Variants in PRKCE observed in about 807,000 individuals in gnomAD.
PRKCE encodes protein kinase C epsilon type.
A neutral mutation model predicts 85.4 loss-of-function variants in PRKCE; 16 were observed. That is an observed-to-expected ratio of 0.19 (90% CI 0.13 to 0.28). PRKCE has a LOEUF of 0.28. Among genes scored for constraint, PRKCE ranks in the 10% least tolerant of loss-of-function variants. The probability of loss-of-function intolerance (pLI) is 1.00; values close to 1 mark genes in which losing one functional copy is unlikely to be tolerated. For synonymous variants in PRKCE, 388 were observed against 371.5 expected (o/e 1.04, Z -0.51); for missense variants, 573 against 975.2 (o/e 0.59, Z 5.49).
intron 1 of PRKCE, among the ~76,000 whole-genome samples, chr2:45,693,162 G>T (rs1677875277): frequency 6.6e-6 from 1 of 152,142 alleles, no homozygotes; most frequent in South Asian, 2.1e-4. Flanking sequence ...GTGGGTGGGA[G>T]AAGGTCAGAG....
intron 1 of PRKCE, among the ~76,000 whole-genome samples, chr2:45,812,901 G>T (rs1241590539): frequency 6.6e-6 from 1 of 152,182 alleles, no homozygotes; most frequent in Non-Finnish European, 1.5e-5. Flanking sequence ...CCAGGAAAAT[G>T]TTTATATATG....
intron 10 of PRKCE, among the ~76,000 whole-genome samples, chr2:46,038,340 G>T (rs1708002497): frequency 6.6e-6 from 1 of 151,670 alleles, no homozygotes; most frequent in South Asian, 2.1e-4. Flanking sequence ...TTTGAATAAA[G>T]AAATCTAAAC....
At chr2:45,726,465 T>C (rs555405866) in intron 1 of PRKCE, among the ~76,000 whole-genome samples, 32 of 152,290 alleles carry the variant, frequency 2.1e-4, no homozygotes, top group African/African-American at 7.7e-4. Flanking sequence ...AGCAAAAAGA[T>C]TACAACGTGT....
chr2:45,679,524 A>T lies in PRKCE; in HGVS notation c.348+27076A>T, dbSNP rs564578703. On this transcript the variant is annotated intron_variant, in intron 1 of 14. Coordinates refer to ENST00000306156, the MANE Select transcript of PRKCE (RefSeq NM_005400.3). ...AGTCTGTTTATAATAAGTGCCAAGT[A>T]GACAATATGGACAGGAAGTACTGTG... Among the ~76,000 whole-genome samples, 26 of 152,348 alleles carry T rather than the reference A, an allele frequency of 1.7e-4. 1 individual carries two copies. In the South Asian group the frequency reaches 5.4e-3, roughly 32 times the overall value.
intron 1 of PRKCE, among the ~76,000 whole-genome samples, chr2:45,736,736 G>A (rs1490981835): frequency 6.6e-6 from 1 of 152,190 alleles, no homozygotes; most frequent in South Asian, 2.1e-4. Flanking sequence ...CTGCATGTGC[G>A]CCTTCCTTGA....
At chr2:45,672,924 G>C (rs1219056504) in intron 1 of PRKCE, among the ~76,000 whole-genome samples, 1 of 152,152 alleles carries the variant, frequency 6.6e-6, no homozygotes, top group Non-Finnish European at 1.5e-5. Flanking sequence ...TGCTCCAGGA[G>C]GCTGAGGCAG....
At chr2:45,793,726 A>G (rs1371452075) in intron 1 of PRKCE, among the ~76,000 whole-genome samples, 2 of 152,192 alleles carry the variant, frequency 1.3e-5, no homozygotes, top group African/African-American at 4.8e-5. Context: ...ATCAGGAACC[A>G]TCAAAAACAG....
intron 2 of PRKCE, among the ~76,000 whole-genome samples, chr2:45,967,077 T>C (rs2595205): frequency 0.83 from 126,950 of 152,190 alleles, 53,586 homozygotes; most frequent in East Asian, 0.97. Flanking sequence ...TGGTGGTAAA[T>C]GTTTAACAAC....
intron 1 of PRKCE, among the ~76,000 whole-genome samples, chr2:45,839,811 T>G (rs1263806497): frequency 1.3e-5 from 2 of 152,360 alleles, no homozygotes; most frequent in South Asian, 4.1e-4. Context: ...CTTGGCTAGC[T>G]GGGGCTTGGC....
At chr2:45,747,216 C>T (rs1683212480) in intron 1 of PRKCE, among the ~76,000 whole-genome samples, 1 of 152,180 alleles carries the variant, frequency 6.6e-6, no homozygotes, top group South Asian at 2.1e-4. Flanking sequence ...ATACACATGA[C>T]ACATGGCATA....
Position 45,928,758 on chromosome 2 carries a change from C to A in PRKCE, c.413-47671C>A, listed in dbSNP as rs184442750. 7.5e-4 allele frequency among the ~76,000 whole-genome samples: 114 copies of A among 152,308 alleles called. 1 individual carries two copies. Among genetic ancestry groups the A allele is most frequent in the South Asian group, 1.0e-3 (5 of 4,814 alleles). ...CTTCTTCATGCTTTTTCCTGCCCCC[C>A]ACTAATAGTGTGGATGGACTTTTTT... On this transcript the variant is annotated intron_variant, in intron 2 of 14. Coordinates refer to ENST00000306156, the MANE Select transcript of PRKCE (RefSeq NM_005400.3).
At position 45,698,622 on chromosome 2, in the gene PRKCE, G is replaced by A. The variant is rs147783753; in HGVS notation, c.348+46174G>A. Among the ~76,000 whole-genome samples the A allele has an allele frequency of 5.0e-3, 765 of 152,210 alleles. 9 individuals carry two copies. Among genetic ancestry groups the A allele is most frequent in the African/African-American group, 0.018 (734 of 41,528 alleles). On this transcript the variant is annotated intron_variant, in intron 1 of 14. Coordinates refer to ENST00000306156, the MANE Select transcript of PRKCE (RefSeq NM_005400.3). ...AAGGAAGAGGAAAGAGAGGAAGAGAGGGGGAGGGGTGTCAGCAATGGAAGT... is the reference window on the plus strand; with the variant it reads ...AAGGAAGAGGAAAGAGAGGAAGAGAAGGGGAGGGGTGTCAGCAATGGAAGT...
intron 2 of PRKCE, among the ~76,000 whole-genome samples, chr2:45,950,356 C>T (rs910468416): frequency 6.6e-6 from 1 of 152,222 alleles, no homozygotes; most frequent in African/African-American, 2.4e-5. Flanking sequence ...CATGGGACAT[C>T]AGCCAATCTC....
chr2:46,167,896 A>G (rs1370279772), intron 14 of PRKCE: 2 of 152,214 alleles, frequency 1.3e-5, no homozygotes, highest in Non-Finnish European at 2.9e-5. Context: ...AGCAGTCACC[A>G]GTGAGACCCT....
chr2:46,003,737 G>A (rs1400151753), intron 7 of PRKCE, among the ~76,000 whole-genome samples: 1 of 152,222 alleles, frequency 6.6e-6, no homozygotes, highest in Non-Finnish European at 1.5e-5. Flanking sequence ...AAGACATGGG[G>A]TGAGCTTTGC....
Position 45,981,145 on chromosome 2 carries a change from G to T in PRKCE, c.693+764G>T, listed in dbSNP as rs79235198. Among the ~76,000 whole-genome samples, 199 of 152,286 alleles carry T rather than the reference G, an allele frequency of 1.3e-3. 6 individuals are homozygous for T. In the East Asian group the frequency reaches 0.027, roughly 21 times the overall value. On this transcript the variant is annotated intron_variant, in intron 5 of 14. Transcript: ENST00000306156. Reference sequence around the variant, plus strand: ...CAGGAAAATGCAACAATGAAGCTAGGTTCACCTAACTGAGCAATTACGAGA... The same window carrying T: ...CAGGAAAATGCAACAATGAAGCTAGTTTCACCTAACTGAGCAATTACGAGA...
intron 1 of PRKCE, among the ~76,000 whole-genome samples, chr2:45,743,409 G>T (rs1472789141): frequency 6.6e-6 from 1 of 152,032 alleles, no homozygotes; most frequent in Non-Finnish European, 1.5e-5. Context: ...CAATAAAGTT[G>T]AAGAAAAATA....
At chr2:45,884,862 CCTT>C (rs1467101797) in intron 2 of PRKCE, among the ~76,000 whole-genome samples, 1 of 150,760 alleles carries the variant, frequency 6.6e-6, no homozygotes, top group Non-Finnish European at 1.5e-5. Context: ...ACTTCTGTCT[CCTT>C]CTGGAAATTG....
chr2:45,903,294 C>T (rs990085071), intron 2 of PRKCE, among the ~76,000 whole-genome samples: 1 of 152,172 alleles, frequency 6.6e-6, no homozygotes, highest in African/African-American at 2.4e-5. Context: ...CATTAACAGG[C>T]ACATAACACA....
Sources: gnomAD v4.1 joint callset for allele counts (sites outside exome capture counted in the v4.1 genomes callset) on GRCh38, gnomAD v4.1.1 for gene constraint, MANE v1.5 for transcripts, NCBI Gene and HGNC (gene_info 2026-07-23, HGNC 2026-07-21) for gene names.